HS6ST3: variants seen among roughly 807,000 people sequenced by gnomAD.
HS6ST3 encodes heparan sulfate 6-O-sulfotransferase 3.
Under a neutral mutation model 36.7 loss-of-function variants are expected in HS6ST3, and 12 were observed. The observed-to-expected ratio is 0.33, with a 90% CI of 0.21 to 0.53. The LOEUF (loss-of-function observed/expected upper bound fraction) is 0.53. HS6ST3 is among the 20% of genes least tolerant of loss of function. The pLI, the probability that HS6ST3 is intolerant of heterozygous loss-of-function variation, is 0.95. For synonymous variants in HS6ST3, 240 were observed against 257.5 expected (o/e 0.93, Z 0.65); for missense variants, 584 against 640.9 (o/e 0.91, Z 0.96).
At chr13:96,592,769 C>T (rs2056387307) in intron 1 of HS6ST3, among the ~76,000 whole-genome samples, 1 of 152,046 alleles carries the variant, frequency 6.6e-6, no homozygotes, top group South Asian at 2.1e-4. Context: ...TCTTTCCTGG[C>T]CTGTAAGAGT....
chr13:96,719,250 G>T (rs1875784338), intron 1 of HS6ST3, among the ~76,000 whole-genome samples: 1 of 151,370 alleles, frequency 6.6e-6, no homozygotes, highest in Non-Finnish European at 1.5e-5. Context: ...CTCAAGCCTG[G>T]GTGACAGAGC....
intron 1 of HS6ST3, among the ~76,000 whole-genome samples, chr13:96,440,633 A>T (rs1362068020): frequency 1.9e-5 from 1 of 53,928 alleles, no homozygotes; most frequent in East Asian, 5.8e-4. Flanking sequence ...ATCATCACAT[A>T]AAAGTGAAGA....
chr13:96,675,114 C>T (rs568547549), intron 1 of HS6ST3, among the ~76,000 whole-genome samples: 2 of 152,058 alleles, frequency 1.3e-5, no homozygotes, highest in Non-Finnish European at 2.9e-5. Context: ...CTTTGAAAAG[C>T]TAATGTTTGG....
At chr13:96,700,435 G>T (rs1366814777) in intron 1 of HS6ST3, among the ~76,000 whole-genome samples, 3 of 152,132 alleles carry the variant, frequency 2.0e-5, no homozygotes, top group Non-Finnish European at 4.4e-5. Context: ...GATGAGATTT[G>T]GGTGGGGACA....
chr13:96,685,994 AAAT>A (rs1271551781), intron 1 of HS6ST3, among the ~76,000 whole-genome samples: 1 of 152,042 alleles, frequency 6.6e-6, no homozygotes, highest in Non-Finnish European at 1.5e-5. Flanking sequence ...TTAAAACAGA[AAAT>A]AATTTCATTT....
intron 1 of HS6ST3, among the ~76,000 whole-genome samples, chr13:96,427,761 C>T (rs926233413): frequency 2.0e-5 from 3 of 152,112 alleles, no homozygotes; most frequent in East Asian, 1.9e-4. Context: ...GTTCCAGGAT[C>T]GAATCCAGGA....
At chr13:96,243,136 G>A (rs373078443) in intron 1 of HS6ST3, among the ~76,000 whole-genome samples, 9 of 152,120 alleles carry the variant, frequency 5.9e-5, no homozygotes, top group Non-Finnish European at 8.8e-5. Flanking sequence ...TTTATTTTGC[G>A]CTGTCTTCAA....
intron 1 of HS6ST3, among the ~76,000 whole-genome samples, chr13:96,733,811 T>G (rs1876217767): frequency 1.3e-5 from 2 of 152,188 alleles, no homozygotes; most frequent in African/African-American, 4.8e-5. Flanking sequence ...TGTCCCATTG[T>G]TTAAGAGAGA....
chr13:96,720,077 T>C (rs1875805536), intron 1 of HS6ST3, among the ~76,000 whole-genome samples: 1 of 152,088 alleles, frequency 6.6e-6, no homozygotes, highest in Non-Finnish European at 1.5e-5. Flanking sequence ...CCACTCCTCC[T>C]CTCTCTTGCC....
chr13:96,466,443 A>ATC, intron 1 of HS6ST3, among the ~76,000 whole-genome samples: 1 of 152,236 alleles, frequency 6.6e-6, no homozygotes, highest in East Asian at 1.9e-4. Flanking sequence ...TGCCCCCTCC[A>ATC]TCTACCTGCT....
At chr13:96,791,557 G>A (rs1877794805) in intron 1 of HS6ST3, among the ~76,000 whole-genome samples, 1 of 151,930 alleles carries the variant, frequency 6.6e-6, no homozygotes, top group African/African-American at 2.4e-5. Flanking sequence ...AATATACCAG[G>A]CTATAAAAAG....
intron 1 of HS6ST3, among the ~76,000 whole-genome samples, chr13:96,199,007 G>T (rs1158244125): frequency 1.3e-5 from 2 of 152,190 alleles, no homozygotes; most frequent in African/African-American, 2.4e-5. Flanking sequence ...ACCTGGGGAG[G>T]CCTCAGAATC....
intron 1 of HS6ST3, among the ~76,000 whole-genome samples, chr13:96,672,854 ACT>A (rs911862354): frequency 2.6e-5 from 4 of 151,872 alleles, no homozygotes; most frequent in Non-Finnish European, 5.9e-5. Context: ...TTCTAATGAG[ACT>A]CTTGGTTCAG....
At chr13:96,811,854 A>C (rs1878322757) in intron 1 of HS6ST3, among the ~76,000 whole-genome samples, 1 of 152,162 alleles carries the variant, frequency 6.6e-6, no homozygotes, top group South Asian at 2.1e-4. Context: ...AAGCTACCAA[A>C]CTCAATTTCT....
intron 1 of HS6ST3, among the ~76,000 whole-genome samples, chr13:96,256,711 G>T (rs1262353408): frequency 6.6e-6 from 1 of 152,174 alleles, no homozygotes; most frequent in Non-Finnish European, 1.5e-5. Flanking sequence ...GTAAGGCAAA[G>T]GTGGTAAATT....
intron 1 of HS6ST3, among the ~76,000 whole-genome samples, chr13:96,284,748 CTGCT>C (rs72180855): frequency 0.12 from 18,425 of 150,436 alleles, 1,523 homozygotes; most frequent in African/African-American, 0.22. Context: ...GGATACTGGT[CTGCT>C]TGCTTGCTTG....
intron 1 of HS6ST3, among the ~76,000 whole-genome samples, chr13:96,450,313 G>C (rs2055721359): frequency 6.6e-6 from 1 of 152,092 alleles, no homozygotes; most frequent in African/African-American, 2.4e-5. Context: ...TTTGCCATAG[G>C]AACTTTTATG....
chr13:96,164,532 G>A (rs1047006295), intron 1 of HS6ST3, among the ~76,000 whole-genome samples: 1 of 151,440 alleles, frequency 6.6e-6, no homozygotes, highest in African/African-American at 2.4e-5. Context: ...ACTCTAGCCT[G>A]GGAGACAGAA....
intron 1 of HS6ST3, among the ~76,000 whole-genome samples, chr13:96,557,300 T>C (rs146663576): frequency 6.6e-6 from 1 of 152,286 alleles, no homozygotes; most frequent in East Asian, 1.9e-4. Flanking sequence ...CACAACCAGG[T>C]CTGAACTGCT....
Sources: allele counts gnomAD v4.1 joint callset (sites outside exome capture counted in the v4.1 genomes callset), GRCh38; gene constraint gnomAD v4.1.1; transcripts MANE v1.5; gene names NCBI Gene and HGNC (gene_info 2026-07-23, HGNC 2026-07-21).